ZNF385D: variants seen among roughly 807,000 people sequenced by gnomAD.
ZNF385D encodes the protein zinc finger protein 659.
ZNF385D carries 15 observed loss-of-function variants against 35.8 expected under a neutral mutation model. The ratio of observed to expected loss-of-function variants is 0.42; its 90% CI spans 0.28 to 0.64. ZNF385D has a LOEUF of 0.64. Among genes scored for constraint, ZNF385D ranks in the 30% least tolerant of loss-of-function variants. ZNF385D has a pLI of 0.23. For missense variants in ZNF385D, 474 were observed against 494.6 expected (o/e 0.96, Z 0.39); for synonymous variants, 212 against 186.8 (o/e 1.13, Z -1.10).
chr3:21,476,853 TTC>T (rs1704280259), intron 4 of ZNF385D, among the ~76,000 whole-genome samples: 1 of 152,110 alleles, frequency 6.6e-6, no homozygotes, highest in Non-Finnish European at 1.5e-5. Context: ...GTGGAAGAGA[TTC>T]TGAGGTGAAT....
At chr3:21,522,659 C>G (rs1343862808) in intron 3 of ZNF385D, among the ~76,000 whole-genome samples, 1 of 151,954 alleles carries the variant, frequency 6.6e-6, no homozygotes, top group African/African-American at 2.4e-5. Flanking sequence ...ACCAAAATTG[C>G]AGAACGAAGT....
intron 1 of ZNF385D, among the ~76,000 whole-genome samples, chr3:21,726,922 T>C (rs1158149000): frequency 2.0e-5 from 3 of 152,154 alleles, no homozygotes; most frequent in Non-Finnish European, 4.4e-5. Flanking sequence ...CTTCAAACTA[T>C]ACTACAAGGC....
intron 3 of ZNF385D, among the ~76,000 whole-genome samples, chr3:22,064,330 T>G (rs760364191): frequency 6.6e-6 from 1 of 152,188 alleles, no homozygotes; most frequent in African/African-American, 2.4e-5. Flanking sequence ...GCAGAGATTT[T>G]TGTGATAATT....
chr3:22,295,339 G>C (rs1161736772), intron 2 of ZNF385D, among the ~76,000 whole-genome samples: 2 of 152,052 alleles, frequency 1.3e-5, no homozygotes, highest in Non-Finnish European at 2.9e-5. Context: ...TGTAGAATAG[G>C]CTATACAGCT....
chr3:21,529,062 T>C (rs1381869021), intron 3 of ZNF385D, among the ~76,000 whole-genome samples: 1 of 151,902 alleles, frequency 6.6e-6, no homozygotes, highest in Non-Finnish European at 1.5e-5. Flanking sequence ...ACTTTTTCCA[T>C]TTTTTTTGTG....
intron 3 of ZNF385D, among the ~76,000 whole-genome samples, chr3:22,036,885 C>T (rs952794286): frequency 3.8e-5 from 5 of 130,098 alleles, no homozygotes; most frequent in African/African-American, 1.4e-4. Context: ...ACAACAGGCC[C>T]CAGTGTGTGA....
chr3:22,249,152 C>A (rs945118552), intron 2 of ZNF385D, among the ~76,000 whole-genome samples: 1 of 152,132 alleles, frequency 6.6e-6, no homozygotes, highest in South Asian at 2.1e-4. Context: ...AAGCCATGTC[C>A]ATTCTAAATC....
intron 3 of ZNF385D, among the ~76,000 whole-genome samples, chr3:22,099,688 G>C (rs1410929887): frequency 6.6e-6 from 1 of 151,990 alleles, no homozygotes; most frequent in Non-Finnish European, 1.5e-5. Context: ...ACTTGCAGCA[G>C]ACCCTGAAGC....
chr3:21,643,592 G>A (rs1396891396), intron 2 of ZNF385D, among the ~76,000 whole-genome samples: 1 of 152,086 alleles, frequency 6.6e-6, no homozygotes, highest in African/African-American at 2.4e-5. Flanking sequence ...GTGACAGGGA[G>A]TTCAGTAAAA....
At chr3:22,249,141 C>A (rs1285006874) in intron 2 of ZNF385D, among the ~76,000 whole-genome samples, 1 of 152,096 alleles carries the variant, frequency 6.6e-6, no homozygotes, top group Non-Finnish European at 1.5e-5. Context: ...CTAGATAAGC[C>A]AAGCCATGTC....
At chr3:22,163,011 CAG>C (rs566441404) in intron 3 of ZNF385D, among the ~76,000 whole-genome samples, 478 of 152,224 alleles carry the variant, frequency 3.1e-3, no homozygotes, top group African/African-American at 0.011. Context: ...AGAATTGAAA[CAG>C]AGACATCAGC....
In ZNF385D at chr3:22,030,285, A is replaced by ATATGTATG. The variant is rs1559316596; in HGVS notation, c.325+138531_325+138532insCATACATA. On this transcript the variant is annotated intron_variant, in intron 3 of 5. Transcript: ENST00000494108. ...TATATATATATATATATATATATAT[A>ATATGTATG]TATATATATATATATATCCTATTTG... Among the ~76,000 whole-genome samples the ATATGTATG allele has an allele frequency of 1.2e-3, 100 of 86,682 alleles. 1 individual carries two copies. Among genetic ancestry groups the ATATGTATG allele is most frequent in the African/African-American group, 4.9e-3 (86 of 17,412 alleles). 56.9% of individuals were successfully genotyped at this position (86,682 alleles called of 152,430 possible). A position where few individuals can be genotyped will look rare whatever the true frequency, so the allele number is the denominator to read the frequency against.
At chr3:22,328,622 G>A (rs546251000) in intron 2 of ZNF385D, among the ~76,000 whole-genome samples, 2 of 150,538 alleles carry the variant, frequency 1.3e-5, no homozygotes, top group Non-Finnish European at 3.0e-5. Flanking sequence ...AATTAGCTGG[G>A]CATGGTGGTG....
At chr3:22,194,732 G>A (rs906554887) in intron 2 of ZNF385D, among the ~76,000 whole-genome samples, 1 of 151,840 alleles carries the variant, frequency 6.6e-6, no homozygotes, top group Non-Finnish European at 1.5e-5. Context: ...TTTCAAGAAT[G>A]TAGGTAGAAT....
At chr3:21,765,333 T>C (rs912737689) in intron 3 of ZNF385D, among the ~76,000 whole-genome samples, 1 of 152,082 alleles carries the variant, frequency 6.6e-6, no homozygotes, top group African/African-American at 2.4e-5. Context: ...GTAACTTTGA[T>C]GTATTTCAGA....
At chr3:22,353,638 C>T (rs1218899712) in intron 2 of ZNF385D, among the ~76,000 whole-genome samples, 1 of 152,124 alleles carries the variant, frequency 6.6e-6, no homozygotes, top group East Asian at 1.9e-4. Context: ...TAGATCTTGT[C>T]TCATGATCAC....
intron 2 of ZNF385D, among the ~76,000 whole-genome samples, chr3:22,288,301 C>A (rs1297725589): frequency 6.6e-6 from 1 of 151,970 alleles, no homozygotes; most frequent in East Asian, 1.9e-4. Flanking sequence ...TCAGTCTTGG[C>A]AAGTATTATG....
chr3:22,313,510 T>C (rs1291801044), intron 2 of ZNF385D, among the ~76,000 whole-genome samples: 1 of 152,040 alleles, frequency 6.6e-6, no homozygotes, highest in Non-Finnish European at 1.5e-5. Context: ...AGAAATTCAA[T>C]GAAGAATATG....
intron 3 of ZNF385D, among the ~76,000 whole-genome samples, chr3:22,012,812 C>T (rs1416890782): frequency 1.3e-5 from 2 of 151,996 alleles, no homozygotes; most frequent in Non-Finnish European, 2.9e-5. Flanking sequence ...GTAATCAGCT[C>T]CTGTCTAAAT....
Sources: allele counts gnomAD v4.1 joint callset (sites outside exome capture counted in the v4.1 genomes callset), GRCh38; gene constraint gnomAD v4.1.1; transcripts MANE v1.5; gene names NCBI Gene and HGNC (gene_info 2026-07-23, HGNC 2026-07-21).